MARCHF1: variants seen among roughly 807,000 people sequenced by gnomAD.
MARCHF1 encodes E3 ubiquitin-protein ligase MARCHF1.
In MARCHF1, 40 loss-of-function variants were observed where a neutral mutation model predicts 54.2. The observed-to-expected ratio is 0.74, with a 90% CI of 0.57 to 0.96. MARCHF1 has a LOEUF of 0.96. Among genes scored for constraint, MARCHF1 ranks in the 40% least tolerant of loss-of-function variants. MARCHF1 has a pLI of 0.00. For missense variants in MARCHF1, 586 were observed against 656.5 expected (o/e 0.89, Z 1.17); for synonymous variants, 236 against 236.3 (o/e 1.00, Z 0.01).
intron 1 of MARCHF1, among the ~76,000 whole-genome samples, chr4:164,261,858 T>A (rs1733475472): frequency 6.6e-6 from 1 of 152,142 alleles, no homozygotes; most frequent in Non-Finnish European, 1.5e-5. Context: ...AAAGAAAGTG[T>A]GGCCGGATGC....
In MARCHF1 at chr4:163,564,236, C is replaced by T. The variant is rs1335722678; in HGVS notation, c.1192-18493G>A. Among the ~76,000 whole-genome samples the T allele has an allele frequency of 2.6e-5, 4 of 152,126 alleles. No homozygotes were observed. The East Asian group carries it at 5.8e-4, about 22-fold the overall frequency. ...GGGTACAACAAGAAAGGGCTGAGCT[C>T]GGCAACCAAAAAGCCTTTGTTGACT... On this transcript the variant is annotated intron_variant, in intron 8 of 9. Transcript: ENST00000514618.
chr4:164,126,373 C>A (rs1560916629), intron 1 of MARCHF1, among the ~76,000 whole-genome samples: 1 of 152,152 alleles, frequency 6.6e-6, no homozygotes, highest in Non-Finnish European at 1.5e-5. Flanking sequence ...TCTTCCAGTG[C>A]TCAATATTGG....
chr4:163,551,500 T>C (rs1739105376), intron 8 of MARCHF1, among the ~76,000 whole-genome samples: 1 of 152,192 alleles, frequency 6.6e-6, no homozygotes, highest in African/African-American at 2.4e-5. Context: ...AAACTGATGA[T>C]AGGGAGGAAA....
At position 164,363,372 on chromosome 4, in the gene MARCHF1, A is replaced by T. The variant is rs374777458; in HGVS notation, c.-323+20498T>A. On this transcript the variant is annotated intron_variant, in intron 1 of 9. Transcript: ENST00000514618. ...TCTTTCTCCTAAGAAGAAAATGTGA[A>T]TATTTAAATATTTAACAAACAGTTG... 4.8e-4 allele frequency among the ~76,000 whole-genome samples: 73 copies of T among 152,278 alleles called. 1 individual carries two copies. The South Asian group carries it at 0.015, about 31-fold the overall frequency.
At chr4:163,962,729 G>A (rs916629592) in intron 3 of MARCHF1, among the ~76,000 whole-genome samples, 2 of 151,762 alleles carry the variant, frequency 1.3e-5, no homozygotes, top group Non-Finnish European at 2.9e-5. Flanking sequence ...CAGCATTCTA[G>A]TAAAAAATAA....
intron 7 of MARCHF1, among the ~76,000 whole-genome samples, chr4:163,604,336 AGG>A (rs1741074499): frequency 6.6e-6 from 1 of 152,180 alleles, no homozygotes; most frequent in South Asian, 2.1e-4. Flanking sequence ...TGCTCTTGGT[AGG>A]GTAGTAAATG....
chr4:164,356,448 G>A (rs887669682), intron 1 of MARCHF1, among the ~76,000 whole-genome samples: 1 of 126,488 alleles, frequency 7.9e-6, no homozygotes, highest in Non-Finnish European at 1.8e-5. Context: ...AAAAAATGAT[G>A]AGTTCATGTC....
At chr4:164,031,520 A>T (rs1015397133) in intron 2 of MARCHF1, among the ~76,000 whole-genome samples, 1 of 151,854 alleles carries the variant, frequency 6.6e-6, no homozygotes, top group Non-Finnish European at 1.5e-5. Context: ...TAACTATTTT[A>T]TTGAGAGCTT....
intron 4 of MARCHF1, among the ~76,000 whole-genome samples, chr4:163,805,804 C>T (rs888972160): frequency 2.7e-5 from 4 of 150,788 alleles, no homozygotes; most frequent in East Asian, 2.0e-4. Context: ...TCAATGGTCA[C>T]GATATCTACA....
intron 2 of MARCHF1, among the ~76,000 whole-genome samples, chr4:164,004,170 C>T (rs953846973): frequency 2.6e-5 from 4 of 151,736 alleles, no homozygotes; most frequent in African/African-American, 4.8e-5. Flanking sequence ...AGATAAATAG[C>T]TAATGCATGT....
intron 1 of MARCHF1, among the ~76,000 whole-genome samples, chr4:164,185,551 G>C (rs1434590506): frequency 2.0e-5 from 3 of 152,060 alleles, no homozygotes; most frequent in African/African-American, 7.2e-5. Context: ...TTGTTGAAGA[G>C]CAATATATTT....
chr4:163,676,837 T>C (rs1449046828), intron 5 of MARCHF1, among the ~76,000 whole-genome samples: 1 of 151,784 alleles, frequency 6.6e-6, no homozygotes, highest in Non-Finnish European at 1.5e-5. Context: ...AGAGAAAAAA[T>C]TAAGTTCATA....
intron 4 of MARCHF1, among the ~76,000 whole-genome samples, chr4:163,732,429 A>T (rs180974498): frequency 6.6e-6 from 1 of 152,268 alleles, no homozygotes; most frequent in East Asian, 1.9e-4. Context: ...ATATGTAATC[A>T]GAATCCTTAG....
At chr4:163,575,112 G>A (rs190920125) in intron 8 of MARCHF1, among the ~76,000 whole-genome samples, 196 of 152,056 alleles carry the variant, frequency 1.3e-3, no homozygotes, top group Non-Finnish European at 2.5e-3. Flanking sequence ...CAGTTCTCAA[G>A]CAGACTGCAT....
At chr4:163,774,223 T>C (rs1335458290) in intron 4 of MARCHF1, among the ~76,000 whole-genome samples, 1 of 152,204 alleles carries the variant, frequency 6.6e-6, no homozygotes, top group Non-Finnish European at 1.5e-5. Flanking sequence ...TGCAAACAGT[T>C]GTTATACTGA....
chr4:164,259,553 A>AG (rs1733398168), intron 1 of MARCHF1, among the ~76,000 whole-genome samples: 1 of 138,384 alleles, frequency 7.2e-6, no homozygotes, highest in Non-Finnish European at 1.5e-5. Context: ...TCAAAAAAAA[A>AG]AAAAAAAAAA....
chr4:164,109,334 C>T (rs1256975626), intron 2 of MARCHF1, among the ~76,000 whole-genome samples: 2 of 151,990 alleles, frequency 1.3e-5, no homozygotes, highest in Admixed American at 1.3e-4. Flanking sequence ...AAAGTGCTAT[C>T]TTCAGTTATT....
At chr4:163,671,653 T>A (rs1356204558) in intron 5 of MARCHF1, among the ~76,000 whole-genome samples, 1 of 152,184 alleles carries the variant, frequency 6.6e-6, no homozygotes, top group East Asian at 1.9e-4. Flanking sequence ...CTATATTTTC[T>A]TATATGTGTT....
At chr4:163,702,222 T>C (rs1352097777) in intron 4 of MARCHF1, among the ~76,000 whole-genome samples, 2 of 152,170 alleles carry the variant, frequency 1.3e-5, no homozygotes, top group Non-Finnish European at 2.9e-5. Flanking sequence ...AACAGCCCCA[T>C]GCTCCAGCTG....
Sources: allele counts gnomAD v4.1 joint callset (sites outside exome capture counted in the v4.1 genomes callset), GRCh38; gene constraint gnomAD v4.1.1; transcripts MANE v1.5; gene names NCBI Gene and HGNC (gene_info 2026-07-23, HGNC 2026-07-21).